GRID2: variants seen among roughly 807,000 people sequenced by gnomAD.
The protein encoded by GRID2 is glutamate receptor ionotropic, delta-2.
Under a neutral mutation model 114.8 loss-of-function variants are expected in GRID2, and 33 were observed. The observed-to-expected ratio is 0.29, with a 90% CI of 0.22 to 0.38. GRID2 has a LOEUF of 0.38. Among genes scored for constraint, GRID2 ranks in the 10% least tolerant of loss-of-function variants. GRID2 has a pLI of 1.00. For missense variants in GRID2, 1,184 were observed against 1,257.7 expected, an observed-to-expected ratio of 0.94 and a Z score of 0.89; for synonymous variants, 505 against 449.9, an observed-to-expected ratio of 1.12 and a Z score of -1.55.
At chr4:93,097,854 G>A (rs148299248) in intron 3 of GRID2, among the ~76,000 whole-genome samples, 35 of 151,916 alleles carry the variant, frequency 2.3e-4, no homozygotes, top group African/African-American at 7.5e-4. Context: ...CCATTTTCTG[G>A]AATAATATTA....
chr4:92,360,408 ATGAG>A (rs1252845322), intron 1 of GRID2, among the ~76,000 whole-genome samples: 1 of 151,922 alleles, frequency 6.6e-6, no homozygotes, highest in Non-Finnish European at 1.5e-5. Context: ...TTATGCATTC[ATGAG>A]TTCGAATAAA....
downstream of GRID2, among the ~76,000 whole-genome samples, chr4:93,778,427 C>T (rs1489896153): frequency 2.4e-5 from 3 of 125,188 alleles, no homozygotes; most frequent in African/African-American, 3.1e-5. Context: ...GACAGAGTCT[C>T]GCTCTGTCAC....
At chr4:92,314,521 T>C (rs1725869558) in intron 1 of GRID2, among the ~76,000 whole-genome samples, 2 of 152,240 alleles carry the variant, frequency 1.3e-5, no homozygotes, top group South Asian at 4.1e-4. Context: ...AGGATATATG[T>C]GTTGAGGATA....
intron 1 of GRID2, among the ~76,000 whole-genome samples, chr4:92,496,430 T>C (rs891339198): frequency 2.0e-5 from 3 of 151,930 alleles, no homozygotes; most frequent in Admixed American, 2.0e-4. Flanking sequence ...AGTGAAGATT[T>C]AGCAGAACTT....
intron 1 of GRID2, among the ~76,000 whole-genome samples, chr4:92,546,703 A>G (rs1227115458): frequency 2.0e-5 from 3 of 152,256 alleles, no homozygotes; most frequent in African/African-American, 7.2e-5. Flanking sequence ...AGTAGAATTT[A>G]AACTACCAGT....
intron 1 of GRID2, among the ~76,000 whole-genome samples, chr4:92,534,584 G>C (rs1209974260): frequency 1.3e-5 from 2 of 152,044 alleles, no homozygotes; most frequent in Non-Finnish European, 2.9e-5. Flanking sequence ...AGCAATTTAA[G>C]TGTTACTATG....
At chr4:93,330,391 A>G (rs1165920772) in intron 8 of GRID2, among the ~76,000 whole-genome samples, 1 of 152,186 alleles carries the variant, frequency 6.6e-6, no homozygotes, top group Admixed American at 6.5e-5. Context: ...TTACCAGGCA[A>G]GGTTCTTCAG....
intron 11 of GRID2, among the ~76,000 whole-genome samples, chr4:93,465,629 T>C (rs60815657): frequency 0.24 from 36,221 of 152,086 alleles, 4,752 homozygotes; most frequent in East Asian, 0.57. Context: ...CAGAACATTA[T>C]AGTTATTTTT....
At chr4:93,301,801 ATTTTG>A (rs1754899092) in intron 8 of GRID2, among the ~76,000 whole-genome samples, 1 of 152,132 alleles carries the variant, frequency 6.6e-6, no homozygotes, top group African/African-American at 2.4e-5. Flanking sequence ...CAGCCACTTC[ATTTTG>A]TTTTGTTGTT....
chr4:93,353,125 T>A (rs1187729145), intron 8 of GRID2, among the ~76,000 whole-genome samples: 2 of 152,072 alleles, frequency 1.3e-5, no homozygotes, highest in Non-Finnish European at 2.9e-5. Context: ...TCAGGCATCC[T>A]TGTTGTAAAA....
chr4:93,398,663 A>G (rs1258933702), intron 9 of GRID2, among the ~76,000 whole-genome samples: 1 of 151,706 alleles, frequency 6.6e-6, no homozygotes, highest in East Asian at 1.9e-4. Context: ...GTTCACCTTC[A>G]TGACTCTTAA....
chr4:92,934,104 T>C (rs181243174), intron 2 of GRID2, among the ~76,000 whole-genome samples: 206 of 151,902 alleles, frequency 1.4e-3, no homozygotes, highest in Non-Finnish European at 2.7e-3. Context: ...CCTGAAATGC[T>C]TTTTTCCTAC....
intron 1 of GRID2, among the ~76,000 whole-genome samples, chr4:92,458,554 T>C (rs975985661): frequency 2.6e-5 from 4 of 152,200 alleles, no homozygotes; most frequent in Non-Finnish European, 4.4e-5. Context: ...TTCTGTTTCA[T>C]TTGTTTGTTA....
chr4:93,468,403 G>A (rs573569186), intron 11 of GRID2, among the ~76,000 whole-genome samples: 8 of 152,146 alleles, frequency 5.3e-5, no homozygotes, highest in South Asian at 2.1e-4. Flanking sequence ...ACATATATCA[G>A]AACTCAAATG....
chr4:93,806,968 A>G (rs781450000), exon 2 of GRID2: 14 of 152,234 alleles, frequency 9.2e-5, no homozygotes, highest in Admixed American at 9.2e-4. Flanking sequence ...CTAATGTATT[A>G]TCTCCTAAAT....
intron 2 of GRID2, among the ~76,000 whole-genome samples, chr4:92,682,661 A>G (rs1733704681): frequency 6.7e-6 from 1 of 148,850 alleles, no homozygotes; most frequent in South Asian, 2.2e-4. Flanking sequence ...TCATATGTGG[A>G]TGAGATATTA....
chr4:93,134,407 A>T (rs1461182866), intron 4 of GRID2, among the ~76,000 whole-genome samples: 1 of 152,166 alleles, frequency 6.6e-6, no homozygotes, highest in Non-Finnish European at 1.5e-5. Context: ...GATGGTGCTT[A>T]GTGTTCTCCT....
intron 4 of GRID2, among the ~76,000 whole-genome samples, chr4:93,194,919 C>A (rs776803195): frequency 1.3e-5 from 2 of 152,132 alleles, no homozygotes; most frequent in African/African-American, 2.4e-5. Flanking sequence ...GTATGCTAAA[C>A]TTGAGCACCA....
intron 2 of GRID2, among the ~76,000 whole-genome samples, chr4:92,698,028 G>GA (rs990716603): frequency 1.3e-4 from 20 of 152,082 alleles, no homozygotes; most frequent in Middle Eastern, 3.2e-3. Flanking sequence ...AACTCATTCT[G>GA]AAAAAAGTTA....
Sources: allele counts gnomAD v4.1 joint callset (sites outside exome capture counted in the v4.1 genomes callset), GRCh38; gene constraint gnomAD v4.1.1; transcripts MANE v1.5; gene names NCBI Gene and HGNC (gene_info 2026-07-23, HGNC 2026-07-21).